The following CHSY3 variants were observed in gnomAD, a reference collection of about 807,000 sequenced individuals.
CHSY3 encodes the protein N-acetylgalactosaminyl-proteoglycan 3-beta-glucuronosyltransferase 3.
A neutral mutation model predicts 67.2 loss-of-function variants in CHSY3; 35 were observed. That is an observed-to-expected ratio of 0.52 (90% CI 0.40 to 0.69). The LOEUF (loss-of-function observed/expected upper bound fraction) is 0.69. Ranked by LOEUF, CHSY3 falls within the 30% of genes least tolerant of loss-of-function variation. The pLI, the probability that CHSY3 is intolerant of heterozygous loss-of-function variation, is 0.00. For missense variants in CHSY3, 1,069 were observed against 1,138.5 expected, an observed-to-expected ratio of 0.94 and a Z score of 0.88; for synonymous variants, 474 against 434.7, an observed-to-expected ratio of 1.09 and a Z score of -1.12.
Position 130,021,167 on chromosome 5 carries a change from G to A in CHSY3, c.1086+112807G>A, listed in dbSNP as rs557950667. 2.7e-4 allele frequency among the ~76,000 whole-genome samples: 41 copies of A among 152,242 alleles called. No individual in the cohort carries two copies. The South Asian group carries it at 6.0e-3, about 22-fold the overall frequency. The stretch of plus-strand genomic sequence containing the variant: ...CTTAAGATGATGGGTTTGGTCACCA[G>A]AATCTTGTCCTGATTCACAATCCCA... On this transcript the variant is annotated intron_variant, in intron 2 of 2. Transcript: ENST00000305031.
chr5:129,945,824 C>T (rs899394122), intron 2 of CHSY3, among the ~76,000 whole-genome samples: 4 of 152,040 alleles, frequency 2.6e-5, no homozygotes, highest in Admixed American at 6.6e-5. Context: ...AAAAAACATG[C>T]GTTATTGAAC....
intron 2 of CHSY3, among the ~76,000 whole-genome samples, chr5:130,164,336 T>C (rs1254715784): frequency 1.3e-5 from 2 of 152,030 alleles, no homozygotes; most frequent in Non-Finnish European, 2.9e-5. Flanking sequence ...TAAAATTGAT[T>C]GACTAGGACG....
intron 2 of CHSY3, among the ~76,000 whole-genome samples, chr5:130,100,277 C>T (rs926472677): frequency 2.6e-5 from 4 of 152,028 alleles, no homozygotes; most frequent in African/African-American, 9.7e-5. Context: ...TGCTGCCTCC[C>T]GGGTTCATGC....
At chr5:130,013,535 C>A (rs1413024290) in intron 2 of CHSY3, among the ~76,000 whole-genome samples, 1 of 152,176 alleles carries the variant, frequency 6.6e-6, no homozygotes, top group African/African-American at 2.4e-5. Context: ...TACCCTCAGA[C>A]CCAACACCAC....
At chr5:130,068,883 C>G (rs1765969128) in intron 2 of CHSY3, among the ~76,000 whole-genome samples, 1 of 152,098 alleles carries the variant, frequency 6.6e-6, no homozygotes, top group Non-Finnish European at 1.5e-5. Flanking sequence ...TTTGGTTTTG[C>G]TCCTTCTGGC....
intron 2 of CHSY3, among the ~76,000 whole-genome samples, chr5:129,950,545 G>A (rs955407776): frequency 6.6e-6 from 1 of 152,106 alleles, no homozygotes; most frequent in African/African-American, 2.4e-5. Flanking sequence ...CCAAAATACT[G>A]TTAGAGCTAA....
intron 2 of CHSY3, among the ~76,000 whole-genome samples, chr5:130,160,062 G>C (rs942886444): frequency 6.6e-6 from 1 of 152,144 alleles, no homozygotes; most frequent in Non-Finnish European, 1.5e-5. Flanking sequence ...CTGTTAGCAC[G>C]ATTTAAAGAT....
chr5:130,180,238 C>T (rs1770204192), intron 2 of CHSY3, among the ~76,000 whole-genome samples: 1 of 152,166 alleles, frequency 6.6e-6, no homozygotes, highest in South Asian at 2.1e-4. Context: ...AAATTCTAAA[C>T]ATATTTTGGT....
intron 2 of CHSY3, among the ~76,000 whole-genome samples, chr5:129,969,002 G>C (rs916852475): frequency 6.6e-6 from 1 of 151,728 alleles, no homozygotes; most frequent in Non-Finnish European, 1.5e-5. Flanking sequence ...TAGCTAGAAT[G>C]GTTAATTTAT....
chr5:130,030,983 A>G (rs932000282), intron 2 of CHSY3, among the ~76,000 whole-genome samples: 6 of 152,060 alleles, frequency 3.9e-5, no homozygotes, highest in Non-Finnish European at 8.8e-5. Flanking sequence ...TAATTTTAAT[A>G]GCTAGAGTAT....
chr5:129,992,721 G>C (rs969080238), intron 2 of CHSY3, among the ~76,000 whole-genome samples: 1 of 152,180 alleles, frequency 6.6e-6, no homozygotes, highest in Non-Finnish European at 1.5e-5. Flanking sequence ...GCAGCCATTA[G>C]TAGTGTTGTC....
chr5:129,905,908 T>C, intron 1 of CHSY3: 1 of 627,244 alleles, frequency 1.6e-6, no homozygotes, highest in South Asian at 3.0e-5. Flanking sequence ...TCCCTTAGTC[T>C]TTACCTCGTC....
chr5:129,968,237 A>T (rs145787393), intron 2 of CHSY3, among the ~76,000 whole-genome samples: 6 of 151,904 alleles, frequency 3.9e-5, no homozygotes, highest in African/African-American at 1.2e-4. Context: ...GAATAGACCA[A>T]AATGAACTTG....
At chr5:130,174,640 A>G (rs1328663106) in intron 2 of CHSY3, among the ~76,000 whole-genome samples, 2 of 152,174 alleles carry the variant, frequency 1.3e-5, no homozygotes, top group Non-Finnish European at 2.9e-5. Context: ...TACAAAGATA[A>G]CAACTACAAC....
chr5:130,125,081 G>A (rs560447739), intron 2 of CHSY3, among the ~76,000 whole-genome samples: 10 of 152,192 alleles, frequency 6.6e-5, no homozygotes, highest in East Asian at 1.9e-4. Flanking sequence ...GGGAGTTCTC[G>A]AACTCCTGCA....
At chr5:129,969,673 A>G (rs1762581138) in intron 2 of CHSY3, among the ~76,000 whole-genome samples, 1 of 151,868 alleles carries the variant, frequency 6.6e-6, no homozygotes, top group African/African-American at 2.4e-5. Flanking sequence ...GATTGTTTGA[A>G]GAAATGGGTA....
intron 2 of CHSY3, among the ~76,000 whole-genome samples, chr5:130,123,415 C>T (rs565494084): frequency 3.9e-5 from 6 of 152,162 alleles, no homozygotes; most frequent in African/African-American, 4.8e-5. Flanking sequence ...TATTCCACCT[C>T]AAGCATTAGA....
chr5:130,184,270 G>A lies in CHSY3; in HGVS notation c.1128G>A (p.Lys376=), dbSNP rs753337951. 7 of 1,596,678 alleles carry A rather than the reference G, an allele frequency of 4.4e-6. No homozygotes were observed. The Admixed American group carries it at 1.0e-4, about 24-fold the overall frequency. The change falls in exon 3 of 3, where the codon AAG becomes AAA. Residue 376 remains lysine (K), a synonymous_variant. Coordinates refer to ENST00000305031, the MANE Select transcript of CHSY3 (RefSeq NM_175856.5). ...LFHENYEHNR[K]GYIQDLHNSK... Reference sequence around the variant, plus strand: ...ATGAAAATTATGAACACAATCGGAAGGGTTACATCCAAGACCTTCACAATA... The same window carrying A: ...ATGAAAATTATGAACACAATCGGAAAGGTTACATCCAAGACCTTCACAATA...
At chr5:130,072,253 G>A (rs2149682280) in intron 2 of CHSY3, among the ~76,000 whole-genome samples, 1 of 152,088 alleles carries the variant, frequency 6.6e-6, no homozygotes, top group East Asian at 1.9e-4. Context: ...ATTTTCCCCT[G>A]TGCTTTCTCC....
Sources: allele counts gnomAD v4.1 joint callset (sites outside exome capture counted in the v4.1 genomes callset), GRCh38; gene constraint gnomAD v4.1.1; transcripts MANE v1.5; gene names NCBI Gene and HGNC (gene_info 2026-07-23, HGNC 2026-07-21).